The following PHACTR4 variants were observed in gnomAD, a reference collection of about 807,000 sequenced individuals.
PHACTR4 encodes the protein protein phosphatase 1, regulatory subunit 124.
Under a neutral mutation model 72.7 loss-of-function variants are expected in PHACTR4, and 51 were observed. That is an observed-to-expected ratio of 0.70 (90% CI 0.56 to 0.89). The LOEUF is 0.89. Among genes scored for constraint, PHACTR4 ranks in the 40% least tolerant of loss-of-function variants. The pLI, the probability that PHACTR4 is intolerant of heterozygous loss-of-function variation, is 0.00. For synonymous variants in PHACTR4, 255 were observed against 302.5 expected (o/e 0.84, Z 1.63); for missense variants, 731 against 861.8 (o/e 0.85, Z 1.90).
At chr1:28,460,453 A>G (rs1444156163) in intron 4 of PHACTR4, among the ~76,000 whole-genome samples, 161 bp downstream of exon 4, 1 of 151,840 alleles carries the variant, frequency 6.6e-6, no homozygotes, top group East Asian at 1.9e-4. Flanking sequence ...CTTGGGGCAA[A>G]CATTCCTTTC....
At chr1:28,469,262 C>A (rs915870795) in intron 6 of PHACTR4, among the ~76,000 whole-genome samples, 3 of 151,882 alleles carry the variant, frequency 2.0e-5, no homozygotes, top group East Asian at 3.9e-4. Context: ...AGAAAAAAAA[C>A]CAACAATCTG....
chr1:28,415,662 T>C (rs1259563043), intron 2 of PHACTR4, among the ~76,000 whole-genome samples: 4 of 152,338 alleles, frequency 2.6e-5, no homozygotes, highest in African/African-American at 9.6e-5. Flanking sequence ...AATATGAACA[T>C]GACTTGTTGA....
At chr1:28,379,875 C>T (rs1363307647) in intron 1 of PHACTR4, among the ~76,000 whole-genome samples, 1 of 151,604 alleles carries the variant, frequency 6.6e-6, no homozygotes, top group East Asian at 1.9e-4. Context: ...AGGTGTGAGC[C>T]ACCGCGCCCA....
intron 1 of PHACTR4, among the ~76,000 whole-genome samples, chr1:28,378,714 G>A (rs2124127073): frequency 6.6e-6 from 1 of 151,730 alleles, no homozygotes; most frequent in South Asian, 2.1e-4. Context: ...CCAGCAGAGA[G>A]GCAGATATTG....
rs200067622 is a variant in PHACTR4 at position 28,378,579 on chromosome 1, C to G, written c.-39+8754C>G. On this transcript the variant is annotated intron_variant, in intron 1 of 13. Coordinates refer to ENST00000373839, the MANE Select transcript of PHACTR4 (RefSeq NM_001048183.3). ...TTCTTTCTCCCCCCAGCCCCCCCCC[C>G]CTTTTTTTTTAACAACCCAAGGGCA... Among the ~76,000 whole-genome samples the G allele has an allele frequency of 4.2e-4, 57 of 137,138 alleles. No homozygotes were observed. In the East Asian group the frequency reaches 0.01, roughly 25 times the overall value. 90.0% of individuals were successfully genotyped at this position (137,138 alleles called of 152,430 possible). A position where few individuals can be genotyped will look rare whatever the true frequency, so the allele number is the denominator to read the frequency against.
chr1:28,485,543 C>A (rs548564632), intron 9 of PHACTR4, among the ~76,000 whole-genome samples: 1 of 150,580 alleles, frequency 6.6e-6, no homozygotes, highest in Admixed American at 6.7e-5. Context: ...GCCGGGATCC[C>A]GTGCCACTGC....
At chr1:28,414,617 A>T (rs772951943) in intron 2 of PHACTR4, among the ~76,000 whole-genome samples, 9 of 151,916 alleles carry the variant, frequency 5.9e-5, no homozygotes, top group South Asian at 2.1e-4. Context: ...GGCTCAAGTG[A>T]TTCTCCCACC....
chr1:28,397,547 A>G (rs557854630), intron 1 of PHACTR4, among the ~76,000 whole-genome samples: 1 of 152,324 alleles, frequency 6.6e-6, no homozygotes, highest in African/African-American at 2.4e-5. Context: ...TTACCCAGAA[A>G]GGAATAGAAA....
chr1:28,497,009 C>A lies in PHACTR4; in HGVS notation c.*460C>A. On this transcript the variant is annotated 3_prime_UTR_variant, in exon 14 of 14. Transcript: ENST00000373839. ...GTGGGGAAAACCTTCTGGAGACCCCCAACCTTCTGATAAAAGAGTCTCTAC... is the reference window on the plus strand; with the variant it reads ...GTGGGGAAAACCTTCTGGAGACCCCAAACCTTCTGATAAAAGAGTCTCTAC... 1 of 202,522 alleles carries A rather than the reference C, an allele frequency of 4.9e-6. No homozygotes were observed. The highest frequency in any genetic ancestry group is 1.0e-5 in the Non-Finnish European group (1 of 99,378). The allele number at this position is 202,522 out of a possible 1,614,324, so 12.5% of individuals were successfully genotyped here.
chr1:28,376,362 A>T (rs2124111210), intron 1 of PHACTR4, among the ~76,000 whole-genome samples: 1 of 151,166 alleles, frequency 6.6e-6, no homozygotes, highest in African/African-American at 2.4e-5. Context: ...CCTAGGCTGG[A>T]GTCCAGTGAC....
Position 28,497,529 on chromosome 1 carries a change from TAAAAAAAAAAA to T in PHACTR4, c.*992_*1002del, listed in dbSNP as rs76459119. The T allele has an allele frequency of 9.1e-6, 1 of 110,166 alleles. No individual in the cohort carries two copies. The highest frequency in any genetic ancestry group is 2.8e-4 in the South Asian group (1 of 3,520). The allele number at this position is 110,166 out of a possible 1,614,324, so 6.8% of individuals were successfully genotyped here. A position where few individuals can be genotyped will look rare whatever the true frequency, so the allele number is the denominator to read the frequency against. On this transcript the variant is annotated 3_prime_UTR_variant, in exon 14 of 14. Transcript: ENST00000373839. ...TGGGCAACAAAGTGGGACTCTGTCT[TAAAAAAAAAAA>T]AAAAAAAAAAATCGGTTAGATGAGA...
At chr1:28,440,392 T>C (rs573714114) in intron 2 of PHACTR4, among the ~76,000 whole-genome samples, 2 of 95,350 alleles carry the variant, frequency 2.1e-5, no homozygotes, top group Non-Finnish European at 2.0e-5. Context: ...AATTCATCAA[T>C]TCTTTTTTTT....
At chr1:28,491,520 G>T in intron 11 of PHACTR4, 130 bp from the exon 12 acceptor site, 1 of 1,251,080 alleles carries the variant, frequency 8.0e-7, no homozygotes, top group Non-Finnish European at 1.1e-6. Flanking sequence ...GGACCTCCAG[G>T]GATCAATAGT....
At position 28,476,291 on chromosome 1, in the gene PHACTR4, A is replaced by C. The variant is rs985691324; in HGVS notation, c.1606A>C (p.Ser536Arg). 2 of 1,587,004 alleles carry C rather than the reference A, an allele frequency of 1.3e-6. No homozygotes were observed. The highest frequency in any genetic ancestry group is 1.7e-6 in the Non-Finnish European group (2 of 1,171,566). ...AGAAGATGAAGATGAAAGCTATCAGAGTAAGAAAGGGAGGGAAAAGCAAAA... is the reference window on the plus strand; with the variant it reads ...AGAAGATGAAGATGAAAGCTATCAGCGTAAGAAAGGGAGGGAAAAGCAAAA... ...DEEDEDESYQSALANKVKRKD... is the reference protein window; with the variant it reads ...DEEDEDESYQRALANKVKRKD... The change falls in exon 8 of 14, where the codon AGT becomes CGT. Residue 536 changes from serine (S) to arginine (R), a missense_variant and splice_region_variant. Around this residue, in one of 2 missense-constraint regions of PHACTR4, gnomAD observed 621 missense variants for 676.6 expected, o/e 0.92. Transcript: ENST00000373839.
intron 2 of PHACTR4, among the ~76,000 whole-genome samples, chr1:28,426,127 G>A (rs745823506): frequency 6.6e-6 from 1 of 151,774 alleles, no homozygotes. Context: ...AGGCTGAGGC[G>A]GGAGAATCGC....
chr1:28,378,874 A>G (rs1651914813), intron 1 of PHACTR4, among the ~76,000 whole-genome samples: 1 of 152,160 alleles, frequency 6.6e-6, no homozygotes, highest in Non-Finnish European at 1.5e-5. Context: ...GGAAGGTGAA[A>G]TAAGAGTAGT....
chr1:28,482,475 A>G (rs1416091959), intron 9 of PHACTR4, among the ~76,000 whole-genome samples: 1 of 152,220 alleles, frequency 6.6e-6, no homozygotes, highest in South Asian at 2.1e-4. Context: ...CTTTCTGCAT[A>G]TGTAACAGTG....
At position 28,407,562 on chromosome 1, in the gene PHACTR4, T is replaced by C. The variant is rs530586790; in HGVS notation, c.16+99T>C. 251 of 1,004,588 alleles carry C rather than the reference T, an allele frequency of 2.5e-4. 9 individuals carry two copies. In the South Asian group the frequency reaches 3.4e-3, roughly 14 times the overall value. The allele number at this position is 1,004,588 out of a possible 1,614,324, so 62.2% of individuals were successfully genotyped here. The stretch of plus-strand genomic sequence containing the variant: ...TAAATTGGTTTTTTTTCATATTCAG[T>C]ATGCTACTCTCTAGAATAATGGGTC... On this transcript the variant is annotated intron_variant, in intron 2 of 13. Transcript: ENST00000373839.
At chr1:28,466,952 C>T (rs1659220492) in intron 6 of PHACTR4, 184 bp downstream of exon 6, 8 of 803,336 alleles carry the variant, frequency 1.0e-5, no homozygotes, top group South Asian at 9.8e-5. Flanking sequence ...CGGTGGCTCA[C>T]GCCTGTAATC....
Sources: allele counts gnomAD v4.1 joint callset (sites outside exome capture counted in the v4.1 genomes callset), GRCh38; gene constraint gnomAD v4.1.1; regional missense constraint gnomAD v4.1.1; transcripts MANE v1.5; gene names NCBI Gene and HGNC (gene_info 2026-07-23, HGNC 2026-07-21).